L3MBTL4: variants seen among roughly 807,000 people sequenced by gnomAD.
L3MBTL4 encodes the protein lethal(3)malignant brain tumor-like protein 4.
A neutral mutation model predicts 84.5 loss-of-function variants in L3MBTL4; 70 were observed. The observed-to-expected ratio is 0.83, with a 90% CI of 0.68 to 1.01. The LOEUF (loss-of-function observed/expected upper bound fraction) is 1.01. Ranked by LOEUF, L3MBTL4 falls within the 50% of genes least tolerant of loss-of-function variation. The pLI is 0.00. For missense variants in L3MBTL4, 715 were observed against 754.8 expected, an observed-to-expected ratio of 0.95 and a Z score of 0.62; for synonymous variants, 274 against 259.8, an observed-to-expected ratio of 1.05 and a Z score of -0.52.
intron 12 of L3MBTL4, among the ~76,000 whole-genome samples, chr18:6,209,431 GC>G (rs1387236352): frequency 3.0e-5 from 4 of 132,730 alleles, no homozygotes; most frequent in African/African-American, 1.0e-4. Context: ...AGCCCATAAG[GC>G]CCACTAAACT....
intron 5 of L3MBTL4, among the ~76,000 whole-genome samples, chr18:6,245,703 C>T (rs531604628): frequency 1.3e-5 from 2 of 151,898 alleles, no homozygotes; most frequent in Admixed American, 1.3e-4. Context: ...AATTCTCCTG[C>T]CTCAGCCTCC....
chr18:6,195,461 G>C (rs2045332206), intron 12 of L3MBTL4, among the ~76,000 whole-genome samples: 1 of 152,202 alleles, frequency 6.6e-6, no homozygotes, highest in South Asian at 2.1e-4. Flanking sequence ...TGGTAGAGTT[G>C]TGTGTGGCTC....
intron 1 of L3MBTL4, among the ~76,000 whole-genome samples, chr18:6,321,608 T>C (rs1389756281): frequency 6.6e-6 from 1 of 152,192 alleles, no homozygotes; most frequent in East Asian, 1.9e-4. Flanking sequence ...ACATTGTTTA[T>C]TGAAGCACAA....
At chr18:6,035,534 C>T (rs1408179881) in intron 16 of L3MBTL4, among the ~76,000 whole-genome samples, 2 of 151,920 alleles carry the variant, frequency 1.3e-5, no homozygotes, top group Non-Finnish European at 2.9e-5. Context: ...CAGTACCATG[C>T]TGTTTTGGTT....
chr18:6,071,761 A>AAAGAAAGAAAG (rs1555645499), intron 16 of L3MBTL4, among the ~76,000 whole-genome samples: 2 of 92,156 alleles, frequency 2.2e-5, no homozygotes, highest in African/African-American at 4.2e-5. Context: ...AAGAAAGAAA[A>AAAGAAAGAAAG]AAAGAAAGAA....
At chr18:6,286,271 A>G (rs1034649398) in intron 4 of L3MBTL4, among the ~76,000 whole-genome samples, 1 of 151,824 alleles carries the variant, frequency 6.6e-6, no homozygotes, top group African/African-American at 2.4e-5. Flanking sequence ...TGAGATCAGC[A>G]CTGCCAATAT....
chr18:5,991,228 G>A (rs1446175701), intron 16 of L3MBTL4, among the ~76,000 whole-genome samples: 1 of 152,124 alleles, frequency 6.6e-6, no homozygotes, highest in African/African-American at 2.4e-5. Context: ...CTCTCCTGTA[G>A]CACACTATCT....
chr18:6,334,484 A>G, intron 1 of L3MBTL4, among the ~76,000 whole-genome samples: 1 of 152,216 alleles, frequency 6.6e-6, no homozygotes, highest in East Asian at 1.9e-4. Context: ...TAAACTAATA[A>G]TTTTCTCTTA....
At chr18:6,071,773 GAAA>G (rs1860469824) in intron 16 of L3MBTL4, among the ~76,000 whole-genome samples, 1 of 90,822 alleles carries the variant, frequency 1.1e-5, no homozygotes, top group Admixed American at 1.2e-4. Flanking sequence ...AAGAAAGAAA[GAAA>G]GAAAGAAAGA....
intron 16 of L3MBTL4, among the ~76,000 whole-genome samples, chr18:6,020,662 G>C (rs572479140): frequency 4.8e-4 from 73 of 152,292 alleles, no homozygotes; most frequent in African/African-American, 1.6e-3. Flanking sequence ...GAAGACTTTG[G>C]AGGCAAAATC....
chr18:6,035,506 A>G (rs2056086290), intron 16 of L3MBTL4, among the ~76,000 whole-genome samples: 1 of 151,752 alleles, frequency 6.6e-6, no homozygotes, highest in Non-Finnish European at 1.5e-5. Context: ...CCATTGATCT[A>G]TATCTCTGTT....
intron 10 of L3MBTL4, among the ~76,000 whole-genome samples, chr18:6,224,738 G>A (rs957721208): frequency 6.6e-6 from 1 of 152,090 alleles, no homozygotes; most frequent in African/African-American, 2.4e-5. Flanking sequence ...TGGGGGTGTA[G>A]AAACAAAACA....
intron 12 of L3MBTL4, among the ~76,000 whole-genome samples, chr18:6,196,586 T>C (rs2045407915): frequency 6.6e-6 from 1 of 152,206 alleles, no homozygotes; most frequent in Non-Finnish European, 1.5e-5. Flanking sequence ...ACATCATTTA[T>C]GAAACCTACT....
intron 4 of L3MBTL4, among the ~76,000 whole-genome samples, chr18:6,281,370 C>CT (rs2049313816): frequency 6.6e-6 from 1 of 152,150 alleles, no homozygotes; most frequent in South Asian, 2.1e-4. Context: ...CCAAAGAAGC[C>CT]TTCACTATCC....
intron 18 of L3MBTL4, among the ~76,000 whole-genome samples, chr18:5,957,543 A>T (rs1448480752): frequency 1.3e-5 from 2 of 152,088 alleles, no homozygotes; most frequent in South Asian, 2.1e-4. Context: ...TCTGATTGAC[A>T]CAGCCTGGCT....
intron 16 of L3MBTL4, among the ~76,000 whole-genome samples, chr18:6,052,404 T>C (rs2056872189): frequency 6.6e-6 from 1 of 152,242 alleles, no homozygotes; most frequent in Admixed American, 6.5e-5. Flanking sequence ...TCAAATTAAT[T>C]ACACATTTTC....
intron 17 of L3MBTL4, among the ~76,000 whole-genome samples, chr18:5,965,538 G>T (rs2052309692): frequency 6.6e-6 from 1 of 152,138 alleles, no homozygotes; most frequent in Non-Finnish European, 1.5e-5. Flanking sequence ...GCTCAGCCCT[G>T]AACTGCCATT....
intron 1 of L3MBTL4, among the ~76,000 whole-genome samples, chr18:6,346,349 T>A (rs1051439896): frequency 6.6e-6 from 1 of 151,568 alleles, no homozygotes; most frequent in Non-Finnish European, 1.5e-5. Context: ...TGGGATTACC[T>A]CAAACCAAAA....
chr18:6,110,422 T>C (rs1388658976), intron 14 of L3MBTL4, among the ~76,000 whole-genome samples: 3 of 151,446 alleles, frequency 2.0e-5, no homozygotes, highest in African/African-American at 7.3e-5. Context: ...TGTGAATATG[T>C]GTGTGTATCC....
Sources: allele counts gnomAD v4.1 joint callset (sites outside exome capture counted in the v4.1 genomes callset), GRCh38; gene constraint gnomAD v4.1.1; transcripts MANE v1.5; gene names NCBI Gene and HGNC (gene_info 2026-07-23, HGNC 2026-07-21).